The following ROBO1 variants were observed in gnomAD, a reference collection of about 807,000 sequenced individuals.
ROBO1 encodes roundabout homolog 1.
Under a neutral mutation model 195.9 loss-of-function variants are expected in ROBO1, and 149 were observed. The observed-to-expected ratio is 0.76, with a 90% CI of 0.67 to 0.87. The LOEUF (loss-of-function observed/expected upper bound fraction) is 0.87, where lower values mean the gene tolerates loss of function less well. ROBO1 is among the 40% of genes least tolerant of loss of function. The pLI, the probability that ROBO1 is intolerant of heterozygous loss-of-function variation, is 0.00. For missense variants in ROBO1, 1,933 were observed against 2,068.3 expected (o/e 0.93, Z 1.27); for synonymous variants, 816 against 733.2 (o/e 1.11, Z -1.82).
intron 3 of ROBO1, among the ~76,000 whole-genome samples, chr3:79,019,684 A>T (rs997920038): frequency 2.0e-5 from 3 of 152,116 alleles, no homozygotes; most frequent in Non-Finnish European, 4.4e-5. Flanking sequence ...ATCCAGGCGA[A>T]TGAGAAACTG....
intron 3 of ROBO1, among the ~76,000 whole-genome samples, chr3:79,045,853 A>C (rs1229458422): frequency 6.6e-6 from 1 of 152,170 alleles, no homozygotes; most frequent in Non-Finnish European, 1.5e-5. Context: ...GGAGGTCCTT[A>C]ATACTACACA....
chr3:79,695,737 A>C (rs962490110), intron 1 of ROBO1, among the ~76,000 whole-genome samples: 1 of 151,512 alleles, frequency 6.6e-6, no homozygotes, highest in Non-Finnish European at 1.5e-5. Context: ...ATTTTGAAGG[A>C]ATTAAGTCTT....
At chr3:79,024,033 A>T (rs1229676325) in intron 3 of ROBO1, among the ~76,000 whole-genome samples, 1 of 152,136 alleles carries the variant, frequency 6.6e-6, no homozygotes, top group East Asian at 1.9e-4. Flanking sequence ...TTAACACAGC[A>T]TTGTGAAGAT....
At chr3:78,949,556 C>A (rs2040654591) in intron 3 of ROBO1, among the ~76,000 whole-genome samples, 1 of 152,156 alleles carries the variant, frequency 6.6e-6, no homozygotes, top group Admixed American at 6.5e-5. Flanking sequence ...ACCATAAAAA[C>A]CCTACAAGAA....
intron 4 of ROBO1, among the ~76,000 whole-genome samples, chr3:78,767,933 A>G (rs1376278933): frequency 1.3e-5 from 2 of 151,822 alleles, no homozygotes; most frequent in Non-Finnish European, 2.9e-5. Flanking sequence ...TAGTTCTGCT[A>G]TAATCTTGGT....
chr3:79,245,526 A>G (rs990782524), intron 2 of ROBO1, among the ~76,000 whole-genome samples: 1 of 151,990 alleles, frequency 6.6e-6, no homozygotes, highest in African/African-American at 2.4e-5. Flanking sequence ...GTCTTTCCAG[A>G]TATGTGTTGG....
intron 2 of ROBO1, among the ~76,000 whole-genome samples, chr3:79,570,267 A>G (rs1023865456): frequency 6.7e-6 from 1 of 149,350 alleles, no homozygotes; most frequent in African/African-American, 2.5e-5. Flanking sequence ...AAACCTACAG[A>G]TAAGGGATTT....
chr3:79,435,217 A>C (rs180858414), intron 2 of ROBO1, among the ~76,000 whole-genome samples: 1 of 152,252 alleles, frequency 6.6e-6, no homozygotes, highest in Admixed American at 6.5e-5. Context: ...TATAATAAAA[A>C]ATAAATAAAT....
chr3:79,112,882 G>A (rs2079914191), intron 3 of ROBO1, among the ~76,000 whole-genome samples: 2 of 152,002 alleles, frequency 1.3e-5, no homozygotes, highest in South Asian at 2.1e-4. Context: ...CCTGCACGTT[G>A]TGCACATGTA....
chr3:79,362,066 G>A (rs529789624), intron 2 of ROBO1, among the ~76,000 whole-genome samples: 58 of 152,094 alleles, frequency 3.8e-4, no homozygotes, highest in African/African-American at 1.4e-3. Flanking sequence ...ATTTTAGGAT[G>A]TATGTTGACT....
intron 2 of ROBO1, among the ~76,000 whole-genome samples, chr3:79,376,682 G>C (rs2036397344): frequency 6.6e-6 from 1 of 152,116 alleles, no homozygotes; most frequent in South Asian, 2.1e-4. Flanking sequence ...GGCCTCCCCA[G>C]CCATGTAGAA....
intron 24 of ROBO1, among the ~76,000 whole-genome samples, chr3:78,632,810 C>T (rs1314988827): frequency 2.6e-5 from 4 of 152,072 alleles, no homozygotes; most frequent in Admixed American, 6.6e-5. Flanking sequence ...GATCAAATGG[C>T]ATAAGATAAT....
intron 1 of ROBO1, among the ~76,000 whole-genome samples, chr3:79,597,128 C>CGTGTGT (rs10597144): frequency 2.6e-4 from 39 of 149,382 alleles, no homozygotes; most frequent in African/African-American, 9.5e-4. Flanking sequence ...TGTGCATGCA[C>CGTGTGT]GTGTGTGTGT....
intron 3 of ROBO1, among the ~76,000 whole-genome samples, chr3:79,061,246 G>T (rs905933340): frequency 1.3e-5 from 2 of 152,036 alleles, no homozygotes; most frequent in African/African-American, 4.8e-5. Flanking sequence ...GAACTCCCAT[G>T]CACAATTACT....
rs773146323 is a variant in ROBO1 at position 78,636,111 on chromosome 3, A to G, written c.3038-3T>C. On this transcript the variant is annotated splice_polypyrimidine_tract_variant and splice_region_variant and intron_variant, in intron 22 of 30. Transcript: ENST00000464233. ...GTTATAATTTGCTATACAATCAGCT[A>G]TGTGCAATGGAGAGGAAAAGGAAAA... is the stretch of plus-strand genomic sequence containing the variant. 3 of 1,598,632 alleles carry G rather than the reference A, an allele frequency of 1.9e-6. No individual in the cohort carries two copies. In the Admixed American group the frequency reaches 5.0e-5, roughly 27 times the overall value.
chr3:79,373,751 C>A (rs2036285305), intron 2 of ROBO1, among the ~76,000 whole-genome samples: 1 of 152,124 alleles, frequency 6.6e-6, no homozygotes, highest in Non-Finnish European at 1.5e-5. Context: ...TACCTTTGAG[C>A]CTTTCTTGGA....
intron 5 of ROBO1, among the ~76,000 whole-genome samples, chr3:78,719,667 C>A (rs2081994892): frequency 6.6e-6 from 1 of 152,142 alleles, no homozygotes; most frequent in South Asian, 2.1e-4. Flanking sequence ...CACAGATCCT[C>A]AGCATCAATT....
chr3:79,356,821 A>G (rs1049916364), intron 2 of ROBO1, among the ~76,000 whole-genome samples: 11 of 152,182 alleles, frequency 7.2e-5, no homozygotes, highest in Admixed American at 6.5e-4. Context: ...CATTCAGGGC[A>G]GGTTCATCAG....
chr3:79,667,121 C>T (rs564383013), intron 1 of ROBO1, among the ~76,000 whole-genome samples: 2 of 152,038 alleles, frequency 1.3e-5, no homozygotes, highest in Non-Finnish European at 2.9e-5. Flanking sequence ...AAATGACATA[C>T]ATTACCTGGC....
Sources: gnomAD v4.1 joint callset for allele counts (sites outside exome capture counted in the v4.1 genomes callset) on GRCh38, gnomAD v4.1.1 for gene constraint, MANE v1.5 for transcripts, NCBI Gene and HGNC (gene_info 2026-07-23, HGNC 2026-07-21) for gene names.